PCDH7: variants seen among roughly 807,000 people sequenced by gnomAD.
PCDH7 encodes the protein protocadherin 7, also known as protocadherin-7.
Under a neutral mutation model 58.9 loss-of-function variants are expected in PCDH7, and 17 were observed. That is an observed-to-expected ratio of 0.29 (90% CI 0.20 to 0.43). The LOEUF is 0.43. Ranked by LOEUF, PCDH7 falls within the 20% of genes least tolerant of loss-of-function variation. The pLI is 1.00. For missense variants in PCDH7, 1,274 were observed against 1,441.0 expected (o/e 0.88, Z 1.88); for synonymous variants, 664 against 616.4 (o/e 1.08, Z -1.14).
chr4:30,759,687 G>A (rs1041886560), intron 1 of PCDH7, among the ~76,000 whole-genome samples: 1 of 151,956 alleles, frequency 6.6e-6, no homozygotes, highest in Admixed American at 6.6e-5. Context: ...ATAAAATACA[G>A]CATATATATA....
chr4:30,886,642 T>C (rs1737828474), intron 1 of PCDH7, among the ~76,000 whole-genome samples: 1 of 150,362 alleles, frequency 6.7e-6, no homozygotes, highest in Non-Finnish European at 1.5e-5. Flanking sequence ...CAAAGGACTA[T>C]AAATCATGCT....
intron 3 of PCDH7, among the ~76,000 whole-genome samples, chr4:31,002,615 A>T (rs1463813182): frequency 6.6e-6 from 1 of 152,228 alleles, no homozygotes; most frequent in Non-Finnish European, 1.5e-5. Context: ...CAAATAACAA[A>T]ATTTCAGTAA....
intron 3 of PCDH7, among the ~76,000 whole-genome samples, chr4:30,955,378 C>T (rs1747746272): frequency 6.6e-6 from 1 of 151,896 alleles, no homozygotes; most frequent in African/African-American, 2.4e-5. Flanking sequence ...AGAAAATGCT[C>T]AATAAAGGTT....
intron 1 of PCDH7, among the ~76,000 whole-genome samples, chr4:30,835,457 T>C (rs1455373529): frequency 6.6e-6 from 1 of 152,066 alleles, no homozygotes; most frequent in Non-Finnish European, 1.5e-5. Flanking sequence ...GTAAAAGAGC[T>C]TCATCCAAAA....
chr4:30,882,144 C>CCTCCTTTTCCTCTCCTTCCTCCCT (rs1447423798), intron 1 of PCDH7, among the ~76,000 whole-genome samples: 74 of 148,112 alleles, frequency 5.0e-4, no homozygotes, highest in African/African-American at 1.8e-3. Context: ...TCTTCCTCCC[C>CCTCCTTTTCCTCTCCTTCCTCCCT]CTCCTTTTCC....
At chr4:30,965,587 T>G (rs1578434522) in intron 3 of PCDH7, among the ~76,000 whole-genome samples, 1 of 152,110 alleles carries the variant, frequency 6.6e-6, no homozygotes, top group East Asian at 1.9e-4. Flanking sequence ...ATTTTAACAA[T>G]TCTAAGCATT....
chr4:30,880,041 T>A (rs904813516), intron 1 of PCDH7, among the ~76,000 whole-genome samples: 2 of 152,110 alleles, frequency 1.3e-5, no homozygotes, highest in Admixed American at 1.3e-4. Context: ...CCCCCACTCT[T>A]AGTCAGTATA....
chr4:30,782,642 A>C (rs2109290574), intron 1 of PCDH7, among the ~76,000 whole-genome samples: 1 of 152,326 alleles, frequency 6.6e-6, no homozygotes, highest in Non-Finnish European at 1.5e-5. Context: ...AGCCCTCATT[A>C]AAAAATGAAG....
intron 1 of PCDH7, among the ~76,000 whole-genome samples, chr4:30,895,651 A>G (rs924308186): frequency 1.3e-5 from 2 of 152,100 alleles, no homozygotes; most frequent in Non-Finnish European, 2.9e-5. Flanking sequence ...CCTTGCAGCT[A>G]CCTTGCAAAG....
At chr4:30,911,312 A>C (rs910210788) in intron 1 of PCDH7, among the ~76,000 whole-genome samples, 16 of 125,206 alleles carry the variant, frequency 1.3e-4, no homozygotes, top group Admixed American at 2.5e-4. Flanking sequence ...TATATTAAAA[A>C]AAAAATCACC....
At chr4:30,964,571 A>T (rs1748818114) in intron 3 of PCDH7, among the ~76,000 whole-genome samples, 1 of 150,584 alleles carries the variant, frequency 6.6e-6, no homozygotes, top group Non-Finnish European at 1.5e-5. Flanking sequence ...GGACTTACTG[A>T]ATTTTATTTT....
At chr4:31,030,782 C>T (rs1754841403) in intron 3 of PCDH7, among the ~76,000 whole-genome samples, 1 of 152,108 alleles carries the variant, frequency 6.6e-6, no homozygotes, top group Non-Finnish European at 1.5e-5. Context: ...TTGTCTATAC[C>T]ATTCTTCAGA....
rs1307608863 is a variant in PCDH7 at position 30,896,976 on chromosome 4, C to T, written c.71-23177C>T. Among the ~76,000 whole-genome samples, 5 of 130,892 alleles carry T rather than the reference C, an allele frequency of 3.8e-5. No individual in the cohort carries two copies. The East Asian group carries it at 1.3e-3, about 33-fold the overall frequency. 85.9% of individuals were successfully genotyped at this position (130,892 alleles called of 152,430 possible). On this transcript the variant is annotated intron_variant, in intron 1 of 3. Transcript: ENST00000509759. ...CTGGAGTGCAGTGGCAGGATCTCGGCTCACTGCAAGCTCTGCCTCCCGAGT... is the reference window on the plus strand; with the variant it reads ...CTGGAGTGCAGTGGCAGGATCTCGGTTCACTGCAAGCTCTGCCTCCCGAGT...
At chr4:31,132,735 T>C (rs1452812408) in intron 3 of PCDH7, among the ~76,000 whole-genome samples, 2 of 152,178 alleles carry the variant, frequency 1.3e-5, no homozygotes, top group African/African-American at 2.4e-5. Flanking sequence ...ATCATTATTG[T>C]TCTTATTTGG....
chr4:30,975,112 C>A (rs1381638879), intron 3 of PCDH7, among the ~76,000 whole-genome samples: 2 of 150,256 alleles, frequency 1.3e-5, no homozygotes, highest in Non-Finnish European at 3.0e-5. Flanking sequence ...ATGTTACAAA[C>A]CCATCAAATC....
chr4:31,104,415 AT>A, intron 3 of PCDH7, among the ~76,000 whole-genome samples: 1 of 152,194 alleles, frequency 6.6e-6, no homozygotes. Context: ...CACAATCTCT[AT>A]GATTTACACT....
chr4:30,737,718 G>T (rs75060239), downstream of PCDH7, among the ~76,000 whole-genome samples: 711 of 152,282 alleles, frequency 4.7e-3, 6 homozygotes, highest in African/African-American at 0.016. Flanking sequence ...TTTCAGTGCT[G>T]TTGACATGTC....
chr4:31,087,139 C>T (rs1712542537), intron 3 of PCDH7, among the ~76,000 whole-genome samples: 1 of 152,024 alleles, frequency 6.6e-6, no homozygotes, highest in South Asian at 2.1e-4. Flanking sequence ...GCATGGTTCA[C>T]GATGGTGGTA....
chr4:30,722,116 G>T lies in PCDH7; in HGVS notation c.694G>T (p.Gly232Cys). Residue 232 changes from glycine to cysteine, a missense_variant, in exon 1 of 2, where the codon GGC becomes TGC. By Grantham distance (159) the Gly-to-Cys change is radical. Around this residue, in one of 3 missense-constraint regions of PCDH7, gnomAD observed 331 missense variants for 303.2 expected, o/e 1.09. Transcript: ENST00000361762. This position sits in a 1 kb window ranked among gnomAD's most constrained non-coding sequence, Gnocchi z 7.6. ...GCGGCGGCTGGACGCATCAGAGGGC[G>T]GCGGCGGCACCAACCCCGGCGGCCG... The T allele has an allele frequency of 7.0e-7, 1 of 1,421,888 alleles. No individual in the cohort carries two copies. Among genetic ancestry groups the T allele is most frequent in the Non-Finnish European group, 9.1e-7 (1 of 1,094,264 alleles). 88.1% of individuals were successfully genotyped at this position (1,421,888 alleles called of 1,614,324 possible).
Sources: allele counts gnomAD v4.1 joint callset (sites outside exome capture counted in the v4.1 genomes callset), GRCh38; gene constraint gnomAD v4.1.1; regional missense constraint gnomAD v4.1.1; non-coding constraint Gnocchi (gnomAD v3.1); transcripts MANE v1.5; gene names NCBI Gene and HGNC (gene_info 2026-07-23, HGNC 2026-07-21).